Variants in ARHGAP22 observed in about 807,000 individuals in gnomAD.
The protein encoded by ARHGAP22 is Rho GTPase activating protein 22, also known as rho GTPase-activating protein 22.
In ARHGAP22, 48 loss-of-function variants were observed where a neutral mutation model predicts 59.1. That is an observed-to-expected ratio of 0.81 (90% CI 0.64 to 1.03). ARHGAP22 has a LOEUF of 1.03. ARHGAP22 is among the 50% of genes least tolerant of loss of function. ARHGAP22 has a pLI of 0.00. For missense variants in ARHGAP22, 1,015 were observed against 958.7 expected (o/e 1.06, Z -0.78); for synonymous variants, 445 against 416.4 (o/e 1.07, Z -0.84).
intron 2 of ARHGAP22, among the ~76,000 whole-genome samples, chr10:48,577,474 G>T (rs555763886): frequency 6.6e-6 from 1 of 152,112 alleles, no homozygotes; most frequent in Non-Finnish European, 1.5e-5. Context: ...GTCCACCTCC[G>T]CCATTTTACT....
chr10:48,520,667 T>C (rs923775042), intron 3 of ARHGAP22, among the ~76,000 whole-genome samples: 2 of 152,048 alleles, frequency 1.3e-5, no homozygotes, highest in African/African-American at 4.8e-5. Context: ...GGCAGGTTTA[T>C]GGGCTGACAG....
chr10:48,529,464 C>T (rs569609339), intron 3 of ARHGAP22, among the ~76,000 whole-genome samples: 3 of 152,292 alleles, frequency 2.0e-5, no homozygotes, highest in East Asian at 1.9e-4. Context: ...TTCTGCTTTT[C>T]CCTGTCGTCA....
Position 48,493,618 on chromosome 10 carries a change from C to T in ARHGAP22, c.323-13854G>A, listed in dbSNP as rs1367557830. ...CTGCGGCCACTCGGCTGCCTGTGTG[C>T]TCTGCCTGTGGGCATCAGGCTGAGG... On this transcript the variant is annotated intron_variant, in intron 3 of 9. Transcript: ENST00000249601. 2.7e-6 allele frequency: 4 copies of T among 1,458,902 alleles called. No homozygotes were observed. In the East Asian group the frequency reaches 7.6e-5, roughly 28 times the overall value. The allele number at this position is 1,458,902 out of a possible 1,614,324, so 90.4% of individuals were successfully genotyped here.
intron 3 of ARHGAP22, among the ~76,000 whole-genome samples, chr10:48,546,189 C>G (rs2056419286): frequency 6.6e-6 from 1 of 152,194 alleles, no homozygotes; most frequent in African/African-American, 2.4e-5. Flanking sequence ...CCCCGCTACT[C>G]CTGTGGCAGT....
chr10:48,592,001 A>G (rs1470145066), intron 1 of ARHGAP22, among the ~76,000 whole-genome samples: 1 of 152,254 alleles, frequency 6.6e-6, no homozygotes, highest in Non-Finnish European at 1.5e-5. Flanking sequence ...AAGCATGCCC[A>G]TTGATATCTA....
At chr10:48,652,230 T>A in intron 1 of ARHGAP22, 1 of 1,535,204 alleles carries the variant, frequency 6.5e-7, no homozygotes, top group African/African-American at 1.4e-5. Context: ...AAAAAAATTC[T>A]TACTGAAATA....
chr10:48,655,461 G>A (rs945899369), upstream of ARHGAP22: 1 of 152,444 alleles, frequency 6.6e-6, no homozygotes, highest in African/African-American at 2.4e-5. Context: ...AGGGACAGGA[G>A]ACTGCTCTCC....
At chr10:48,567,490 G>A (rs1053875690) in intron 2 of ARHGAP22, among the ~76,000 whole-genome samples, 2 of 152,178 alleles carry the variant, frequency 1.3e-5, no homozygotes, top group Non-Finnish European at 2.9e-5. Flanking sequence ...TTACCCAGGG[G>A]AGCTCTTGAA....
intron 1 of ARHGAP22, among the ~76,000 whole-genome samples, chr10:48,622,869 G>A (rs1359553111): frequency 6.6e-6 from 1 of 152,192 alleles, no homozygotes; most frequent in Non-Finnish European, 1.5e-5. Context: ...TGGAGAAGCA[G>A]GTCTCCTGCT....
chr10:48,455,209 C>G, intron 5 of ARHGAP22, 75 bp from the exon 6 acceptor site: 24 of 1,452,652 alleles, frequency 1.7e-5, no homozygotes, highest in Non-Finnish European at 2.1e-5. Context: ...TACGCCCTGA[C>G]GCCAAGGGGC....
At chr10:48,624,529 C>T (rs2061383158) in intron 1 of ARHGAP22, 1 of 152,200 alleles carries the variant, frequency 6.6e-6, no homozygotes, top group Non-Finnish European at 1.5e-5. Context: ...GGTCTCCCAT[C>T]CCAATGTTTT....
downstream of ARHGAP22, among the ~76,000 whole-genome samples, chr10:48,442,940 A>G (rs1291303919): frequency 2.0e-5 from 3 of 152,104 alleles, no homozygotes; most frequent in African/African-American, 7.2e-5. Flanking sequence ...GCTGTCTTGG[A>G]GTGGGGTCAT....
chr10:48,633,465 A>G (rs2061696909), intron 1 of ARHGAP22, among the ~76,000 whole-genome samples: 1 of 152,252 alleles, frequency 6.6e-6, no homozygotes, highest in South Asian at 2.1e-4. Context: ...GGGAGTTCCC[A>G]CTTATTCAGG....
chr10:48,516,138 C>G (rs924856023), intron 3 of ARHGAP22, among the ~76,000 whole-genome samples: 2 of 151,656 alleles, frequency 1.3e-5, no homozygotes, highest in African/African-American at 4.8e-5. Context: ...CTAGACTGAC[C>G]AAGAAAAAAA....
intron 4 of ARHGAP22, among the ~76,000 whole-genome samples, chr10:48,460,446 C>A (rs934505312): frequency 6.6e-6 from 1 of 152,194 alleles, no homozygotes; most frequent in Non-Finnish European, 1.5e-5. Flanking sequence ...CTCACACCCA[C>A]TAGGATGGCT....
At chr10:48,500,487 G>C (rs1433145704) in intron 3 of ARHGAP22, among the ~76,000 whole-genome samples, 3 of 152,296 alleles carry the variant, frequency 2.0e-5, no homozygotes, top group African/African-American at 7.2e-5. Flanking sequence ...GTGAGGACAG[G>C]TGGGATTCTC....
chr10:48,600,889 C>T (rs1336005037), intron 1 of ARHGAP22, among the ~76,000 whole-genome samples: 2 of 152,204 alleles, frequency 1.3e-5, no homozygotes, highest in Non-Finnish European at 2.9e-5. Flanking sequence ...TCCCTTTGGT[C>T]CTCCTTCTCC....
intron 1 of ARHGAP22, among the ~76,000 whole-genome samples, chr10:48,628,388 G>C (rs1212769881): frequency 2.0e-5 from 3 of 152,246 alleles, no homozygotes; most frequent in Non-Finnish European, 2.9e-5. Flanking sequence ...TAAGAGAAAA[G>C]TGAGGCTCAG....
intron 3 of ARHGAP22, among the ~76,000 whole-genome samples, chr10:48,488,012 A>G (rs2050019978): frequency 6.6e-6 from 1 of 152,210 alleles, no homozygotes; most frequent in Non-Finnish European, 1.5e-5. Flanking sequence ...GTAATCATGC[A>G]CTGCACTCCA....
Sources: allele counts gnomAD v4.1 joint callset (sites outside exome capture counted in the v4.1 genomes callset), GRCh38; gene constraint gnomAD v4.1.1; transcripts MANE v1.5; gene names NCBI Gene and HGNC (gene_info 2026-07-23, HGNC 2026-07-21).